SHISA9: variants seen among roughly 807,000 people sequenced by gnomAD.
The protein encoded by SHISA9 is protein shisa-9.
In SHISA9, 13 loss-of-function variants were observed where a neutral mutation model predicts 38.0. The observed-to-expected ratio is 0.34, with a 90% CI of 0.22 to 0.54. The LOEUF (loss-of-function observed/expected upper bound fraction) is 0.54. Ranked by LOEUF, SHISA9 falls within the 20% of genes least tolerant of loss-of-function variation. The pLI is 0.91. For missense variants in SHISA9, 538 were observed against 575.8 expected (o/e 0.93, Z 0.67); for synonymous variants, 275 against 242.0 (o/e 1.14, Z -1.27).
the SHISA9 span, among the ~76,000 whole-genome samples, chr16:13,409,445 G>A: frequency 6.6e-6 from 1 of 152,200 alleles, no homozygotes; most frequent in Admixed American, 6.5e-5. Context: ...GGCTAAAAGA[G>A]CCCAGTGTAA....
intron 3 of SHISA9, chr16:13,204,933 T>C (rs1378085951): frequency 6.6e-6 from 1 of 152,216 alleles, no homozygotes; most frequent in Non-Finnish European, 1.5e-5. Context: ...GGGGGTGTGA[T>C]AGTTACCCTG....
intron 2 of SHISA9, among the ~76,000 whole-genome samples, chr16:12,979,673 C>CT (rs1249925863): frequency 1.3e-5 from 2 of 151,812 alleles, no homozygotes; most frequent in Admixed American, 6.6e-5. Flanking sequence ...ATTTTCTTTT[C>CT]TTTTTTTTCC....
the SHISA9 span, among the ~76,000 whole-genome samples, chr16:13,476,561 C>T: frequency 6.6e-6 from 1 of 152,012 alleles, no homozygotes; most frequent in African/African-American, 2.4e-5. Flanking sequence ...AATTCAAAGT[C>T]AGTCATGGTA....
downstream of SHISA9, among the ~76,000 whole-genome samples, chr16:13,244,360 C>T (rs1459067972): frequency 6.6e-6 from 1 of 152,102 alleles, no homozygotes; most frequent in Non-Finnish European, 1.5e-5. Context: ...CTCTGCCACC[C>T]CTGAGACAGC....
At chr16:13,376,742 G>A in the SHISA9 span, among the ~76,000 whole-genome samples, 8 of 152,056 alleles carry the variant, frequency 5.3e-5, no homozygotes, top group Admixed American at 1.3e-4. Context: ...TGCCCAGGCT[G>A]GAGTGCAGTG....
chr16:12,991,334 G>A (rs867888277), intron 2 of SHISA9, among the ~76,000 whole-genome samples: 2 of 152,178 alleles, frequency 1.3e-5, no homozygotes, highest in African/African-American at 2.4e-5. Flanking sequence ...ACATTGTTTG[G>A]TAAGAGCTGT....
chr16:13,022,537 G>T (rs1343052206), intron 2 of SHISA9, among the ~76,000 whole-genome samples: 1 of 152,010 alleles, frequency 6.6e-6, no homozygotes, highest in African/African-American at 2.4e-5. Context: ...CACCATGTTG[G>T]CCAGGCTTGT....
chr16:13,457,927 CCCTTCCTTCCTTCCTTGCTT>C, the SHISA9 span, among the ~76,000 whole-genome samples: 3 of 151,452 alleles, frequency 2.0e-5, no homozygotes, highest in Non-Finnish European at 4.4e-5. Context: ...CTTCCTTCCT[CCCTTCCTTCCTTCCTTGCTT>C]CCTTCCTTCC....
the SHISA9 span, among the ~76,000 whole-genome samples, chr16:13,271,349 C>A: frequency 6.6e-6 from 1 of 152,122 alleles, no homozygotes; most frequent in African/African-American, 2.4e-5. Context: ...CATCCCCAAG[C>A]CCATTAAATC....
intron 2 of SHISA9, among the ~76,000 whole-genome samples, chr16:12,922,680 C>T (rs146764171): frequency 8.1e-4 from 123 of 152,184 alleles, no homozygotes; most frequent in Middle Eastern, 6.8e-3. Flanking sequence ...CCACCACACC[C>T]GGTTGATTTT....
At chr16:13,531,366 T>C in the SHISA9 span, among the ~76,000 whole-genome samples, 4 of 152,210 alleles carry the variant, frequency 2.6e-5, no homozygotes, top group Non-Finnish European at 5.9e-5. Flanking sequence ...TAACACTTCC[T>C]ATGTGCCAGA....
the SHISA9 span, among the ~76,000 whole-genome samples, chr16:13,489,447 G>C: frequency 6.6e-6 from 1 of 152,134 alleles, no homozygotes; most frequent in East Asian, 1.9e-4. Context: ...ATATGGCTTG[G>C]CTGTGTCTCA....
the SHISA9 span, among the ~76,000 whole-genome samples, chr16:13,550,688 G>C: frequency 6.6e-6 from 1 of 152,202 alleles, no homozygotes; most frequent in Non-Finnish European, 1.5e-5. Context: ...TGCATACTCA[G>C]TTTTTAAAAT....
the SHISA9 span, among the ~76,000 whole-genome samples, chr16:13,411,560 T>C: frequency 3.3e-5 from 5 of 152,252 alleles, no homozygotes; most frequent in African/African-American, 1.2e-4. Context: ...GGTCATTCAG[T>C]GATCCAGGAT....
the SHISA9 span, among the ~76,000 whole-genome samples, chr16:13,485,429 T>A: frequency 6.6e-6 from 1 of 152,170 alleles, no homozygotes; most frequent in South Asian, 2.1e-4. Context: ...ATTTTCTTTA[T>A]CCAGTCTATC....
the SHISA9 span, among the ~76,000 whole-genome samples, chr16:13,424,178 C>T: frequency 1.3e-5 from 2 of 151,844 alleles, no homozygotes; most frequent in African/African-American, 2.4e-5. Flanking sequence ...TCCTAACTCA[C>T]GCCAATTCTG....
At chr16:13,019,875 C>CTTTCTTT (rs1567184012) in intron 2 of SHISA9, among the ~76,000 whole-genome samples, 3 of 31,984 alleles carry the variant, frequency 9.4e-5, no homozygotes, top group African/African-American at 2.9e-4. Context: ...TCCCTCCCTC[C>CTTTCTTT]CTCCCTCCCT....
At chr16:13,092,110 T>C (rs997336567) in intron 2 of SHISA9, among the ~76,000 whole-genome samples, 4 of 152,220 alleles carry the variant, frequency 2.6e-5, no homozygotes, top group Non-Finnish European at 4.4e-5. Context: ...CAGACCCTGT[T>C]TGCCTGGGTA....
At chr16:12,976,930 A>G (rs2072170494) in intron 2 of SHISA9, among the ~76,000 whole-genome samples, 1 of 152,196 alleles carries the variant, frequency 6.6e-6, no homozygotes, top group Admixed American at 6.5e-5. Context: ...TTAACAATGA[A>G]TCAAAAGAAC....
Sources: allele counts gnomAD v4.1 joint callset (sites outside exome capture counted in the v4.1 genomes callset), GRCh38; gene constraint gnomAD v4.1.1; transcripts MANE v1.5; gene names NCBI Gene and HGNC (gene_info 2026-07-23, HGNC 2026-07-21).